The following MKS1 variants were observed in gnomAD, a reference collection of about 807,000 sequenced individuals.
MKS1 encodes MKS transition zone complex subunit 1.
In MKS1, 70 loss-of-function variants were observed where a neutral mutation model predicts 83.7. That is an observed-to-expected ratio of 0.84 (90% CI 0.69 to 1.02). MKS1 has a LOEUF of 1.02. Ranked by LOEUF, MKS1 falls within the 50% of genes least tolerant of loss-of-function variation. MKS1 has a pLI of 0.00. For missense variants in MKS1, 681 were observed against 726.9 expected (o/e 0.94, Z 0.73); for synonymous variants, 251 against 273.4 (o/e 0.92, Z 0.81).
At chr17:58,216,449 A>C (rs527669692) in intron 3 of MKS1, among the ~76,000 whole-genome samples, 2 of 152,376 alleles carry the variant, frequency 1.3e-5, no homozygotes, top group East Asian at 3.9e-4. Context: ...CAAGTCTGCT[A>C]TTACAGATGG....
chr17:58,211,125 C>T, intron 9 of MKS1, 103 bp from the exon 10 acceptor site: 2 of 1,188,762 alleles, frequency 1.7e-6, no homozygotes, highest in East Asian at 4.7e-5. Context: ...CACTAGGGGT[C>T]AGGCCCTGGG....
rs771624307 is a variant in MKS1 at position 58,206,149 on chromosome 17, C to T, written c.1610G>A (p.Arg537His). Residue 537 changes from arginine to histidine, a missense_variant, in exon 18 of 18, where the codon CGC becomes CAC. Around this residue, in one of 3 missense-constraint regions of MKS1, gnomAD observed 310 missense variants for 321.7 expected, o/e 0.96. Coordinates refer to ENST00000393119, the MANE Select transcript of MKS1 (RefSeq NM_017777.4). ...GCTTTCCCGGGCCTCCTGCATGCGGCGCCGGGCTCGACGGAAGGCCTCTGT... is the reference window on the plus strand; with the variant it reads ...GCTTTCCCGGGCCTCCTGCATGCGGTGCCGGGCTCGACGGAAGGCCTCTGT... ...NVLEAFRRAR[R>H]RMQEARESLP... 15 of 1,613,598 alleles carry T rather than the reference C, an allele frequency of 9.3e-6. No homozygotes were observed. Among genetic ancestry groups the T allele is most frequent in the Middle Eastern group, 1.6e-4 (1 of 6,072 alleles).
chr17:58,205,613 T>A lies in MKS1; in HGVS notation c.*466A>T. Reference sequence around the variant, plus strand: ...AAGCCCCAAGCAGTAGAATGAGGCTTCCCTGGAAAGAGGCTGAGACTCACA... The same window carrying A: ...AAGCCCCAAGCAGTAGAATGAGGCTACCCTGGAAAGAGGCTGAGACTCACA... On this transcript the variant is annotated 3_prime_UTR_variant, in exon 18 of 18. Transcript: ENST00000393119. The A allele has an allele frequency of 1.5e-6, 2 of 1,306,290 alleles. No individual in the cohort carries two copies. The highest frequency in any genetic ancestry group is 2.0e-6 in the Non-Finnish European group (2 of 990,416). The allele number at this position is 1,306,290 out of a possible 1,614,324, so 80.9% of individuals were successfully genotyped here. A position where few individuals can be genotyped will look rare whatever the true frequency, so the allele number is the denominator to read the frequency against.
In MKS1 at chr17:58,210,873, T is replaced by C. The variant is rs1968833133; in HGVS notation, c.958+107A>G. The C allele has an allele frequency of 2.0e-6, 3 of 1,484,948 alleles. No individual in the cohort carries two copies. The South Asian group carries it at 3.4e-5, about 17-fold the overall frequency. The allele number at this position is 1,484,948 out of a possible 1,614,324, so 92.0% of individuals were successfully genotyped here. On this transcript the variant is annotated intron_variant, in intron 10 of 17. Transcript: ENST00000393119. ...TCCAGGAAAGACTCACCACTGAGTT[T>C]CCCAAGTACAGCAGACAAGGCCTCT...
At chr17:58,216,620 G>A (rs1969233942) in intron 3 of MKS1, 46 bp downstream of exon 3, 3 of 1,578,874 alleles carry the variant, frequency 1.9e-6, no homozygotes, top group South Asian at 2.2e-5. Context: ...CCATGTGGAG[G>A]TAGACCAGAT....
At position 58,206,098 on chromosome 17, in the gene MKS1, G is replaced by C. The variant is rs764747820; in HGVS notation, c.1661C>G (p.Ser554Cys). 1.2e-6 allele frequency: 2 copies of C among 1,612,478 alleles called. No homozygotes were observed. Among genetic ancestry groups the C allele is most frequent in the African/African-American group, 2.7e-5 (2 of 74,916 alleles). ...ESLPQDLVSP[S>C]GTLVS ...TGTGAGCTAGGAGACCAGGGTTCCA[G>C]AGGGGCTCACTAGGTCCTGCGGGAG... The change falls in exon 18 of 18, where the codon TCT becomes TGT. Residue 554 changes from serine to cysteine, a missense_variant. Physicochemically the swap from Ser to Cys is moderately radical, Grantham distance 112. Around this residue, in one of 3 missense-constraint regions of MKS1, gnomAD observed 310 missense variants for 321.7 expected, o/e 0.96. Transcript: ENST00000393119.
Position 58,213,081 on chromosome 17 carries a change from C to T in MKS1, c.759G>A (p.Thr253=), listed in dbSNP as rs770140009. The T allele has an allele frequency of 2.5e-5, 40 of 1,614,014 alleles. No individual in the cohort carries two copies. In the African/African-American group the frequency reaches 2.9e-4, roughly 12 times the overall value. The change falls in exon 8 of 18, where the codon ACG becomes ACA. Residue 253 remains threonine, a synonymous_variant. Transcript: ENST00000393119. ...TCCACAGCTCCTGCTTCTCCCCCTC[C>T]GTCTCAATCCTGTAAGGTCAAAACC... ...TGLKGPYRIE[T]EGEKQELWKY... is the part of the protein sequence containing the mutation.
At chr17:58,210,750 T>C in intron 10 of MKS1, 26 bp from the exon 11 acceptor site, 1 of 1,612,340 alleles carries the variant, frequency 6.2e-7, no homozygotes, top group Non-Finnish European at 8.5e-7. Context: ...GGAAGCTATT[T>C]TAGCTTTTTC....
Position 58,205,985 on chromosome 17 carries a change from G to C in MKS1, c.*94C>G. ...TTTCTGGTTCTCAGCAGACCAACGT[G>C]GTCTCTAATCAGAAAGACGAAGAGG... On this transcript the variant is annotated 3_prime_UTR_variant, in exon 18 of 18. Coordinates refer to ENST00000393119, the MANE Select transcript of MKS1 (RefSeq NM_017777.4). 1 of 1,541,932 alleles carries C rather than the reference G, an allele frequency of 6.5e-7. No individual in the cohort carries two copies.
chr17:58,212,430 T>C lies in MKS1; in HGVS notation c.863A>G (p.Tyr288Cys). The change falls in exon 9 of 18, where the codon TAT becomes TGT. Residue 288 changes from tyrosine to cysteine, a missense_variant. By Grantham distance (194) the Tyr-to-Cys change is radical (BLOSUM62 -2). Transcript: ENST00000393119. ...GCTGAGATACTCCTTGTGCCGGCCA[T>C]AAAGCTGAGGAAACAAACCAAACCA... ...ERERRVFKDL[Y>C]GRHKEYLSSL... The C allele has an allele frequency of 1.2e-6, 2 of 1,614,146 alleles. No homozygotes were observed. The highest frequency in any genetic ancestry group is 1.1e-5 in the South Asian group (1 of 91,088).
In MKS1 at chr17:58,216,663, C is replaced by T; in HGVS notation, c.261+3G>A. 3 of 1,614,118 alleles carry T rather than the reference C, an allele frequency of 1.9e-6. No individual in the cohort carries two copies. The highest frequency in any genetic ancestry group is 1.7e-5 in the Admixed American group (1 of 60,020). On this transcript the variant is annotated splice_donor_region_variant and intron_variant, in intron 3 of 17. Transcript: ENST00000393119. ...ACAGAGAAGACAAGAGACACTGGCT[C>T]ACCTGGCTAAAGAGCTTCTCCTGCC...
In MKS1 at chr17:58,207,919, C is replaced by G; in HGVS notation, c.1248G>C (p.Gly416=). ...FWQRYRVEGY[G]AVVLPATPGS... is the part of the protein sequence containing the mutation. ...CTGGAGTGGCAGGCAGCACCACAGC[C>G]CCATAGCCTTCCACACGGTACCTCT... is the stretch of plus-strand genomic sequence containing the variant. The change falls in exon 14 of 18, where the codon GGG becomes GGC. Residue 416 remains glycine (G), a synonymous_variant. Coordinates refer to ENST00000393119, the MANE Select transcript of MKS1 (RefSeq NM_017777.4). 2 of 1,614,064 alleles carry G rather than the reference C, an allele frequency of 1.2e-6. No homozygotes were observed. Among genetic ancestry groups the G allele is most frequent in the Non-Finnish European group, 1.7e-6 (2 of 1,179,990 alleles).
At chr17:58,207,329 G>A (rs1968582054) in intron 14 of MKS1, 111 bp from the exon 15 acceptor site, 1 of 1,457,236 alleles carries the variant, frequency 6.9e-7, no homozygotes, top group South Asian at 1.2e-5. Flanking sequence ...CTGGTCTGGT[G>A]ATGACCTGGC....
rs2143743199 is a variant in MKS1 at position 58,207,106 on chromosome 17, T to C, written c.1386A>G (p.Val462=). Reference sequence around the variant, plus strand: ...TCACCTTGAAGGATCCTGGTATCCGTACATAGGAGAGGTCCTCCAGTTCCA... The same window carrying C: ...TCACCTTGAAGGATCCTGGTATCCGCACATAGGAGAGGTCCTCCAGTTCCA... ...GSLELEDLSY[V]RIPGSFKGER... Residue 462 remains valine (V), a synonymous_variant, in exon 15 of 18, where the codon GTA becomes GTG. Transcript: ENST00000393119. 6.2e-7 allele frequency: 1 copy of C among 1,614,162 alleles called. No individual in the cohort carries two copies. The highest frequency in any genetic ancestry group is 8.5e-7 in the Non-Finnish European group (1 of 1,180,026).
In MKS1 at chr17:58,205,601, TAGAATGAGG is replaced by T. The variant is rs1295356797; in HGVS notation, c.*469_*477del. On this transcript the variant is annotated 3_prime_UTR_variant, in exon 18 of 18. Coordinates refer to ENST00000393119, the MANE Select transcript of MKS1 (RefSeq NM_017777.4). ...CTCAACCTCAGCAAGCCCCAAGCAG[TAGAATGAGG>T]CTTCCCTGGAAAGAGGCTGAGACTC... The T allele has an allele frequency of 4.6e-6, 6 of 1,305,874 alleles. No individual in the cohort carries two copies. In the African/African-American group the frequency reaches 9.1e-5, roughly 20 times the overall value. 80.9% of individuals were successfully genotyped at this position (1,305,874 alleles called of 1,614,324 possible).
rs989029218 is a variant in MKS1 at position 58,209,919 on chromosome 17, T to C, written c.1024+740A>G. On this transcript the variant is annotated intron_variant, in intron 11 of 17. Transcript: ENST00000393119. The surrounding 1 kb of genome is among the most constrained non-coding windows in gnomAD (Gnocchi z 4.1). Reference sequence around the variant, plus strand: ...GACAAGAGATGGTGGTGGCTTGGTGTAGGGTGCTGGAGAGAACAAATAGGT... The same window carrying C: ...GACAAGAGATGGTGGTGGCTTGGTGCAGGGTGCTGGAGAGAACAAATAGGT... Among the ~76,000 whole-genome samples, 5 of 152,172 alleles carry C rather than the reference T, an allele frequency of 3.3e-5. No individual in the cohort carries two copies. The highest frequency in any genetic ancestry group is 2.6e-4 in the Admixed American group (4 of 15,272).
chr17:58,217,729 T>C (rs1352867075), intron 2 of MKS1, among the ~76,000 whole-genome samples: 2 of 152,108 alleles, frequency 1.3e-5, no homozygotes, highest in Non-Finnish European at 2.9e-5. Flanking sequence ...GGCTTGAGCC[T>C]GGGAGACCAA....
In MKS1 at chr17:58,211,149, C is replaced by A; in HGVS notation, c.916-127G>T. 4 of 831,798 alleles carry A rather than the reference C, an allele frequency of 4.8e-6. No individual in the cohort carries two copies. The South Asian group carries it at 5.5e-5, about 12-fold the overall frequency. The allele number at this position is 831,798 out of a possible 1,614,324, so 51.5% of individuals were successfully genotyped here. A position where few individuals can be genotyped will look rare whatever the true frequency, so the allele number is the denominator to read the frequency against. On this transcript the variant is annotated intron_variant, in intron 9 of 17. Coordinates refer to ENST00000393119, the MANE Select transcript of MKS1 (RefSeq NM_017777.4). ...TCAGGCCCTGGGTGTCACTACTGCA[C>A]TTTCTCCCCACCCTGACACTTCTCC...
chr17:58,215,945 CCAG>C, intron 4 of MKS1, 140 bp downstream of exon 4: 41 of 1,030,742 alleles, frequency 4.0e-5, no homozygotes, highest in African/African-American at 6.3e-5. Context: ...AGGCTGGCTG[CCAG>C]CAGCAGCAGC....
Sources: gnomAD v4.1 joint callset for allele counts (sites outside exome capture counted in the v4.1 genomes callset) on GRCh38, gnomAD v4.1.1 for gene constraint, gnomAD v4.1.1 regional missense constraint, Gnocchi (gnomAD v3.1) non-coding constraint, MANE v1.5 for transcripts, NCBI Gene and HGNC (gene_info 2026-07-23, HGNC 2026-07-21) for gene names.